ADPRH: variants seen among roughly 807,000 people sequenced by gnomAD.
ADPRH encodes ADP-ribose-L-arginine cleaving enzyme.
A neutral mutation model predicts 28.8 loss-of-function variants in ADPRH; 27 were observed. The observed-to-expected ratio is 0.94, with a 90% CI of 0.69 to 1.29. The LOEUF (loss-of-function observed/expected upper bound fraction) is 1.29, where lower values mean the gene tolerates loss of function less well. ADPRH is among the 50% of genes most tolerant of loss of function. The pLI is 0.00. For synonymous variants in ADPRH, 161 were observed against 166.9 expected (o/e 0.96, Z 0.27); for missense variants, 419 against 444.8 (o/e 0.94, Z 0.52).
At chr3:119,580,888 T>G (rs1459759850) in intron 2 of ADPRH, among the ~76,000 whole-genome samples, 3 of 152,080 alleles carry the variant, frequency 2.0e-5, no homozygotes, top group African/African-American at 7.2e-5. Flanking sequence ...GAGATTCGAA[T>G]TCTCTAGAAG....
rs1224381123 is a variant in ADPRH, at chr3:119,586,356, A to G, written c.370A>G (p.Ser124Gly). 1 of 1,614,206 alleles carries G rather than the reference A, an allele frequency of 6.2e-7. No individual in the cohort carries two copies. Among genetic ancestry groups the G allele is most frequent in the East Asian group, 2.2e-5 (1 of 44,884 alleles). ...KPNGWRIPFN[S>G]HEGGCGAAMR... ...CAATGGCTGGAGGATTCCCTTCAAC[A>G]GCCATGAGGGCGGCTGTGGGGCTGC... is the stretch of plus-strand genomic sequence containing the variant. Residue 124 changes from serine (S) to glycine (G), a missense_variant, in exon 4 of 5, where the codon AGC becomes GGC. By Grantham distance (56) the Ser-to-Gly change is moderately conservative (BLOSUM62 0). Coordinates refer to ENST00000357003, the MANE Select transcript of ADPRH (RefSeq NM_001125.4).
chr3:119,583,803 A>G lies in ADPRH; in HGVS notation c.298+1336A>G, dbSNP rs539486823. On this transcript the variant is annotated intron_variant, in intron 3 of 4. Coordinates refer to ENST00000357003, the MANE Select transcript of ADPRH (RefSeq NM_001125.4). Reference sequence around the variant, plus strand: ...AAAAATTTTTTTTTTTTTGAGATGGAGTCTCACTCTGTTGCCCAGGCTGGA... The same window carrying G: ...AAAAATTTTTTTTTTTTTGAGATGGGGTCTCACTCTGTTGCCCAGGCTGGA... Among the ~76,000 whole-genome samples, 3 of 151,558 alleles carry G rather than the reference A, an allele frequency of 2.0e-5. No homozygotes were observed. The East Asian group carries it at 5.8e-4, about 29-fold the overall frequency.
At position 119,587,636 on chromosome 3, in the gene ADPRH, G is replaced by A. The variant is rs774606357; in HGVS notation, c.832G>A (p.Ala278Thr). Residue 278 changes from alanine to threonine, a missense_variant, in exon 5 of 5, where the codon GCC becomes ACC. Ala to Thr is a moderately conservative substitution (Grantham distance 58). Transcript: ENST00000357003. ...GSSGHDAPMI[A>T]YDAVLAAGDS... ...CAGTGGGCACGATGCCCCCATGATT[G>A]CCTACGATGCTGTTCTTGCTGCAGG... 6.2e-7 allele frequency: 1 copy of A among 1,614,222 alleles called. No homozygotes were observed. Among genetic ancestry groups the A allele is most frequent in the South Asian group, 1.1e-5 (1 of 91,078 alleles).
intron 3 of ADPRH, among the ~76,000 whole-genome samples, chr3:119,585,529 T>C (rs1177228672): frequency 6.6e-6 from 1 of 152,116 alleles, no homozygotes; most frequent in Non-Finnish European, 1.5e-5. Context: ...GAACTCCAAT[T>C]GTGAGGTTTT....
At position 119,588,457 on chromosome 3, in the gene ADPRH, A is replaced by G. The variant is rs928541365; in HGVS notation, c.*579A>G. On this transcript the variant is annotated 3_prime_UTR_variant, in exon 5 of 5. Transcript: ENST00000357003. ...CTGGGGTATTTATCCACTGACTTCCATCTGACACTGGTTGAGGACCACTGC... is the reference window on the plus strand; with the variant it reads ...CTGGGGTATTTATCCACTGACTTCCGTCTGACACTGGTTGAGGACCACTGC... 6 of 152,254 alleles carry G rather than the reference A, an allele frequency of 3.9e-5. No individual in the cohort carries two copies. Among genetic ancestry groups the G allele is most frequent in the African/African-American group, 7.2e-5 (3 of 41,450 alleles). 9.4% of individuals were successfully genotyped at this position (152,254 alleles called of 1,614,324 possible).
chr3:119,587,952 C>A lies in ADPRH; in HGVS notation c.*74C>A, dbSNP rs1010834345. 1 of 1,482,004 alleles carries A rather than the reference C, an allele frequency of 6.7e-7. No individual in the cohort carries two copies. Among genetic ancestry groups the A allele is most frequent in the African/African-American group, 1.4e-5 (1 of 71,182 alleles). The allele number at this position is 1,482,004 out of a possible 1,614,324, so 91.8% of individuals were successfully genotyped here. ...TTTCTGCTATTTCTTTTCAGTTTTTCCAAAGTCAAGAGTCTTAACCTTGTA... is the reference window on the plus strand; with the variant it reads ...TTTCTGCTATTTCTTTTCAGTTTTTACAAAGTCAAGAGTCTTAACCTTGTA... On this transcript the variant is annotated 3_prime_UTR_variant, in exon 5 of 5. Coordinates refer to ENST00000357003, the MANE Select transcript of ADPRH (RefSeq NM_001125.4).
At chr3:119,586,230 T>A (rs2082457179) in intron 3 of ADPRH, 55 bp from the exon 4 acceptor site, 1 of 1,595,468 alleles carries the variant, frequency 6.3e-7, no homozygotes, top group Non-Finnish European at 8.6e-7. Flanking sequence ...TTATTCCTGC[T>A]GGGGCCTTTG....
rs762437182 is a variant in ADPRH at position 119,586,508 on chromosome 3, G to A, written c.522G>A (p.Ala174=). ...HHPTGYLGAL[A]SALFTAYAVN... ...CAACAGGCTACCTGGGGGCCCTTGC[G>A]TCTGCTCTTTTTACAGCCTATGCTG... is the stretch of plus-strand genomic sequence containing the variant. The change falls in exon 4 of 5, where the codon GCG becomes GCA. Residue 174 remains alanine, a synonymous_variant. Transcript: ENST00000357003. The A allele has an allele frequency of 1.6e-5, 26 of 1,614,102 alleles. No individual in the cohort carries two copies. The highest frequency in any genetic ancestry group is 1.6e-4 in the Middle Eastern group (1 of 6,084).
chr3:119,584,180 G>A (rs2082435801), intron 3 of ADPRH, among the ~76,000 whole-genome samples: 1 of 152,046 alleles, frequency 6.6e-6, no homozygotes, highest in African/African-American at 2.4e-5. Context: ...GGTGATGGGA[G>A]TATTTATAGT....
In ADPRH at chr3:119,588,289, G is replaced by C. The variant is rs539257843; in HGVS notation, c.*411G>C. The C allele has an allele frequency of 6.4e-6, 1 of 155,644 alleles. No homozygotes were observed. The highest frequency in any genetic ancestry group is 1.9e-4 in the East Asian group (1 of 5,286). 9.6% of individuals were successfully genotyped at this position (155,644 alleles called of 1,614,324 possible). A position where few individuals can be genotyped will look rare whatever the true frequency, so the allele number is the denominator to read the frequency against. ...TCCAGGAAATACCGATATGAGAATG[G>C]GGAAATGAAACCAGGAAGGGAAGAG... On this transcript the variant is annotated 3_prime_UTR_variant, in exon 5 of 5. Coordinates refer to ENST00000357003, the MANE Select transcript of ADPRH (RefSeq NM_001125.4).
Position 119,586,710 on chromosome 3 carries a change from C to A in ADPRH, c.659+65C>A. ...ATCTGTGCGTGTACATCCACCTGCA[C>A]ATATATGTCTTGTATTCAGAGATCA... On this transcript the variant is annotated intron_variant, in intron 4 of 4. Transcript: ENST00000357003. 12 of 1,580,740 alleles carry A rather than the reference C, an allele frequency of 7.6e-6. No individual in the cohort carries two copies. In the South Asian group the frequency reaches 1.4e-4, roughly 18 times the overall value.
intron 3 of ADPRH, among the ~76,000 whole-genome samples, chr3:119,585,739 C>T (rs942584176): frequency 1.3e-5 from 2 of 152,040 alleles, no homozygotes; most frequent in Non-Finnish European, 2.9e-5. Flanking sequence ...TTAGTAGAGA[C>T]GGAGTTTCAC....
At chr3:119,580,236 G>C (rs1160478308) in intron 1 of ADPRH, 1 of 152,238 alleles carries the variant, frequency 6.6e-6, no homozygotes, top group Non-Finnish European at 1.5e-5. Flanking sequence ...GAGAGGGAGG[G>C]TATGGGGGGT....
Position 119,587,971 on chromosome 3 carries a change from C to A in ADPRH, c.*93C>A. The A allele has an allele frequency of 7.2e-7, 1 of 1,385,648 alleles. No homozygotes were observed. Among genetic ancestry groups the A allele is most frequent in the Non-Finnish European group, 9.6e-7 (1 of 1,042,676 alleles). 85.8% of individuals were successfully genotyped at this position (1,385,648 alleles called of 1,614,324 possible). A position where few individuals can be genotyped will look rare whatever the true frequency, so the allele number is the denominator to read the frequency against. On this transcript the variant is annotated 3_prime_UTR_variant, in exon 5 of 5. Transcript: ENST00000357003. Reference sequence around the variant, plus strand: ...GTTTTTCCAAAGTCAAGAGTCTTAACCTTGTACTCAGGGAATTTTGAGATA... The same window carrying A: ...GTTTTTCCAAAGTCAAGAGTCTTAAACTTGTACTCAGGGAATTTTGAGATA...
At chr3:119,583,624 C>A (rs2082427500) in intron 3 of ADPRH, among the ~76,000 whole-genome samples, 2 of 151,968 alleles carry the variant, frequency 1.3e-5, no homozygotes, top group African/African-American at 4.8e-5. Context: ...AAAAATAGAT[C>A]TGTGGGGCCA....
At chr3:119,581,889 GGCTCT>G (rs201578400) in intron 2 of ADPRH, among the ~76,000 whole-genome samples, 2,865 of 152,168 alleles carry the variant, frequency 0.019, 44 homozygotes, top group South Asian at 0.04. Context: ...GCCACTTATT[GGCTCT>G]GTGACCTGAG....
At position 119,586,174 on chromosome 3, in the gene ADPRH, G is replaced by A. The variant is rs566222695; in HGVS notation, c.299-111G>A. 4.7e-6 allele frequency: 7 copies of A among 1,482,528 alleles called. No individual in the cohort carries two copies. The East Asian group carries it at 1.6e-4, about 34-fold the overall frequency. The allele number at this position is 1,482,528 out of a possible 1,614,324, so 91.8% of individuals were successfully genotyped here. On this transcript the variant is annotated intron_variant, in intron 3 of 4. Coordinates refer to ENST00000357003, the MANE Select transcript of ADPRH (RefSeq NM_001125.4). ...TGGGGCATGCATCATCATATTTTTT[G>A]GCTCTCCCTTTCCATCAAAAATACT...
Position 119,586,610 on chromosome 3 carries a change from A to G in ADPRH, c.624A>G (p.Gln208=), listed in dbSNP as rs374928825. Residue 208 remains glutamine, a synonymous_variant, in exon 4 of 5, where the codon CAA becomes CAG. Coordinates refer to ENST00000357003, the MANE Select transcript of ADPRH (RefSeq NM_001125.4). ...LLPEAKKYIV[Q]SGYFVEENLQ... ...CAGAAGCTAAAAAGTACATTGTCCAATCAGGCTACTTTGTAGAGGAAAATC... is the reference window on the plus strand; with the variant it reads ...CAGAAGCTAAAAAGTACATTGTCCAGTCAGGCTACTTTGTAGAGGAAAATC... 81 of 1,614,012 alleles carry G rather than the reference A, an allele frequency of 5.0e-5. No individual in the cohort carries two copies. The highest frequency in any genetic ancestry group is 6.0e-5 in the Non-Finnish European group (71 of 1,180,004).
rs370876794 is a variant in ADPRH, at chr3:119,587,464, G to A, written c.660G>A (p.Trp220Ter). The A allele has an allele frequency of 1.3e-6, 2 of 1,525,356 alleles. No individual in the cohort carries two copies. The highest frequency in any genetic ancestry group is 4.2e-5 in the Admixed American group (2 of 47,876). The allele number at this position is 1,525,356 out of a possible 1,614,324, so 94.5% of individuals were successfully genotyped here. A position where few individuals can be genotyped will look rare whatever the true frequency, so the allele number is the denominator to read the frequency against. Reference protein sequence around the residue: ...GYFVEENLQHWSYFQTKWENY... With the variant: ...GYFVEENLQH ...ACTCTAGATTTTTTCCTTTCTACAGGTCCTACTTCCAAACCAAATGGGAAA... is the reference window on the plus strand; with the variant it reads ...ACTCTAGATTTTTTCCTTTCTACAGATCCTACTTCCAAACCAAATGGGAAA... The change falls in exon 5 of 5, where the codon TGG (tryptophan) becomes TGA (stop). Residue 220 changes from tryptophan (W) to a stop codon, truncating the protein, a stop_gained and splice_region_variant. Transcript: ENST00000357003. LOFTEE classifies it high-confidence loss of function.
Sources: allele counts gnomAD v4.1 joint callset (sites outside exome capture counted in the v4.1 genomes callset), GRCh38; gene constraint gnomAD v4.1.1; transcripts MANE v1.5; gene names NCBI Gene and HGNC (gene_info 2026-07-23, HGNC 2026-07-21).